The following PARD3 variants were observed in gnomAD, a reference collection of about 807,000 sequenced individuals.
PARD3 encodes par-3 family cell polarity regulator, also known as partitioning defective 3 homolog.
Under a neutral mutation model 155.4 loss-of-function variants are expected in PARD3, and 75 were observed. The ratio of observed to expected loss-of-function variants is 0.48; its 90% CI spans 0.40 to 0.58. The LOEUF is 0.58. PARD3 is among the 20% of genes least tolerant of loss of function. PARD3 has a pLI of 0.00. For synonymous variants in PARD3, 576 were observed against 610.5 expected, an observed-to-expected ratio of 0.94 and a Z score of 0.83; for missense variants, 1,642 against 1,721.7, an observed-to-expected ratio of 0.95 and a Z score of 0.82.
In PARD3 at chr10:34,233,059, C is replaced by T. The variant is rs917109924; in HGVS notation, c.3419+36598G>A. 8.5e-5 allele frequency among the ~76,000 whole-genome samples: 11 copies of T among 129,472 alleles called. No homozygotes were observed. In the South Asian group the frequency reaches 2.7e-3, roughly 32 times the overall value. The allele number at this position is 129,472 out of a possible 152,430, so 84.9% of individuals were successfully genotyped here. On this transcript the variant is annotated intron_variant, in intron 22 of 24. Transcript: ENST00000374788. ...TTTTTTGCCTAGCTCCAAGTAGGCC[C>T]TGAACTGAGGAAACAATTTGGCCTT... is the stretch of plus-strand genomic sequence containing the variant.
At position 34,231,365 on chromosome 10, in the gene PARD3, A is replaced by G. The variant is rs938848397; in HGVS notation, c.3419+38292T>C. Among the ~76,000 whole-genome samples the G allele has an allele frequency of 2.0e-5, 3 of 151,676 alleles. No individual in the cohort carries two copies. The South Asian group carries it at 6.2e-4, about 32-fold the overall frequency. On this transcript the variant is annotated intron_variant, in intron 22 of 24. Coordinates refer to ENST00000374788, the MANE Select transcript of PARD3 (RefSeq NM_001184785.2). ...ACTTCCAGAAGTCACACTACTGGAA[A>G]TATATTAGTTACCTCTGAAGGTCAC...
chr10:34,442,975 G>C (rs1002957784), intron 5 of PARD3, among the ~76,000 whole-genome samples: 4 of 149,620 alleles, frequency 2.7e-5, no homozygotes, highest in African/African-American at 7.4e-5. Flanking sequence ...AGGGAAATGA[G>C]ATTTTTTTTT....
chr10:34,384,107 A>T (rs772820912), intron 8 of PARD3, 22 bp downstream of exon 8: 1 of 1,610,376 alleles, frequency 6.2e-7, no homozygotes, highest in Admixed American at 1.7e-5. Context: ...TAAGAACAGA[A>T]GTGCAGCGAG....
intron 22 of PARD3, among the ~76,000 whole-genome samples, chr10:34,207,670 C>T (rs1376546943): frequency 1.3e-5 from 2 of 152,174 alleles, no homozygotes; most frequent in Non-Finnish European, 2.9e-5. Context: ...TTTTACAAAT[C>T]CCCAAAACCG....
At chr10:34,232,052 G>C (rs190408621) in intron 22 of PARD3, among the ~76,000 whole-genome samples, 1 of 152,168 alleles carries the variant, frequency 6.6e-6, no homozygotes, top group East Asian at 1.9e-4. Flanking sequence ...CTCGAATAAA[G>C]GTCCAAATAT....
At chr10:34,136,370 A>G (rs2132822130) in intron 22 of PARD3, among the ~76,000 whole-genome samples, 1 of 152,300 alleles carries the variant, frequency 6.6e-6, no homozygotes, top group East Asian at 1.9e-4. Flanking sequence ...TTGTGATGTG[A>G]CTGATTAATT....
intron 2 of PARD3, among the ~76,000 whole-genome samples, chr10:34,683,091 C>T (rs2093875888): frequency 6.6e-6 from 1 of 152,046 alleles, no homozygotes; most frequent in South Asian, 2.1e-4. Context: ...CCTTTGCAGC[C>T]ACATAGATGG....
intron 1 of PARD3, among the ~76,000 whole-genome samples, chr10:34,702,196 T>TAA (rs781611430): frequency 3.6e-5 from 5 of 139,416 alleles, no homozygotes; most frequent in African/African-American, 7.8e-5. Flanking sequence ...ATTTTAATAT[T>TAA]AAAAAAAAAA....
intron 22 of PARD3, among the ~76,000 whole-genome samples, chr10:34,207,847 T>C (rs899320445): frequency 6.6e-6 from 1 of 152,196 alleles, no homozygotes; most frequent in Admixed American, 6.5e-5. Context: ...GAGGCTTTGT[T>C]AGAAAACCCA....
chr10:34,448,426 C>T (rs1407642742), intron 5 of PARD3, among the ~76,000 whole-genome samples: 7 of 151,814 alleles, frequency 4.6e-5, no homozygotes, highest in East Asian at 1.9e-4. Flanking sequence ...AGGGTAAAAA[C>T]TTTCAATTGT....
chr10:34,743,613 T>A (rs1249914995), intron 1 of PARD3, among the ~76,000 whole-genome samples: 3 of 152,114 alleles, frequency 2.0e-5, no homozygotes, highest in Non-Finnish European at 4.4e-5. Context: ...CTCTCCCGTA[T>A]CTAAAAATCT....
intron 24 of PARD3, among the ~76,000 whole-genome samples, chr10:34,114,627 G>A (rs1036316380): frequency 1.3e-5 from 2 of 152,178 alleles, no homozygotes; most frequent in African/African-American, 2.4e-5. Flanking sequence ...TTACAGGCAT[G>A]AGCCACTCTG....
chr10:34,520,138 T>C (rs1308757942), intron 2 of PARD3, among the ~76,000 whole-genome samples: 1 of 152,214 alleles, frequency 6.6e-6, no homozygotes, highest in Non-Finnish European at 1.5e-5. Context: ...AGTCCTCATT[T>C]TATAAATGGC....
At chr10:34,299,567 TG>T (rs1261252153) in intron 20 of PARD3, among the ~76,000 whole-genome samples, 1 of 152,206 alleles carries the variant, frequency 6.6e-6, no homozygotes, top group Admixed American at 6.5e-5. Context: ...ACTCAGAGAA[TG>T]TCTGTCTTAC....
At chr10:34,803,150 A>T (rs1220686253) in intron 1 of PARD3, among the ~76,000 whole-genome samples, 1 of 151,536 alleles carries the variant, frequency 6.6e-6, no homozygotes, top group Non-Finnish European at 1.5e-5. Context: ...GAGGTGAGAG[A>T]ATCAGTTGAA....
chr10:34,278,710 T>C (rs539864539), intron 21 of PARD3, among the ~76,000 whole-genome samples: 2 of 152,278 alleles, frequency 1.3e-5, no homozygotes, highest in South Asian at 4.1e-4. Context: ...TGAGGCCTCC[T>C]TAGCCCTGTG....
intron 21 of PARD3, among the ~76,000 whole-genome samples, chr10:34,279,456 G>T (rs1373539053): frequency 6.6e-6 from 1 of 151,994 alleles, no homozygotes; most frequent in African/African-American, 2.4e-5. Context: ...TTTTCTAAAG[G>T]ATTCACGAGG....
At chr10:34,394,818 A>G (rs756511500) in intron 7 of PARD3, among the ~76,000 whole-genome samples, 21 of 152,082 alleles carry the variant, frequency 1.4e-4, no homozygotes, top group Middle Eastern at 3.2e-3. Context: ...TAGTAACACC[A>G]TATCTAATAT....
Position 34,233,134 on chromosome 10 carries a change from T to C in PARD3, c.3419+36523A>G, listed in dbSNP as rs146338181. ...CAGAATGGAGTGCCCTTGCCTCCCGTAAACTCTTCAGCCTACTACCCCATC... is the reference window on the plus strand; with the variant it reads ...CAGAATGGAGTGCCCTTGCCTCCCGCAAACTCTTCAGCCTACTACCCCATC... On this transcript the variant is annotated intron_variant, in intron 22 of 24. Coordinates refer to ENST00000374788, the MANE Select transcript of PARD3 (RefSeq NM_001184785.2). 4.3e-4 allele frequency among the ~76,000 whole-genome samples: 64 copies of C among 149,860 alleles called. 1 individual carries two copies. The East Asian group carries it at 0.012, about 29-fold the overall frequency.
Sources: gnomAD v4.1 joint callset for allele counts (sites outside exome capture counted in the v4.1 genomes callset) on GRCh38, gnomAD v4.1.1 for gene constraint, MANE v1.5 for transcripts, NCBI Gene and HGNC (gene_info 2026-07-23, HGNC 2026-07-21) for gene names.